Variants in MGLL observed in about 807,000 individuals in gnomAD.
MGLL encodes the protein monoglyceride lipase.
A neutral mutation model predicts 29.1 loss-of-function variants in MGLL; 7 were observed. That is an observed-to-expected ratio of 0.24 (90% CI 0.14 to 0.45). The LOEUF is 0.45. MGLL is among the 20% of genes least tolerant of loss of function. MGLL has a pLI of 0.99. For missense variants in MGLL, 356 were observed against 413.6 expected (o/e 0.86, Z 1.21); for synonymous variants, 148 against 168.3 (o/e 0.88, Z 0.93).
intron 6 of MGLL, among the ~76,000 whole-genome samples, chr3:127,704,175 A>T (rs1163124201): frequency 2.9e-4 from 44 of 152,244 alleles, no homozygotes; most frequent in Admixed American, 2.9e-3. Flanking sequence ...GGCTAGCCAT[A>T]TGCAGAAAAT....
chr3:127,769,112 G>T (rs2076907031), intron 3 of MGLL, among the ~76,000 whole-genome samples: 1 of 152,200 alleles, frequency 6.6e-6, no homozygotes, highest in Admixed American at 6.5e-5. Context: ...GGCACTTTGG[G>T]AGGCTGAGGT....
At chr3:127,766,941 T>C (rs902989656) in intron 3 of MGLL, among the ~76,000 whole-genome samples, 7 of 151,976 alleles carry the variant, frequency 4.6e-5, no homozygotes, top group African/African-American at 1.7e-4. Flanking sequence ...TGTGTTGGCA[T>C]GCCCCTGTAA....
chr3:127,741,969 A>G (rs1465133470), intron 3 of MGLL, among the ~76,000 whole-genome samples: 3 of 152,250 alleles, frequency 2.0e-5, no homozygotes, highest in Non-Finnish European at 2.9e-5. Flanking sequence ...CTTATTGTGG[A>G]GCATTGAGAG....
At chr3:127,785,799 A>G (rs2077202415) in intron 2 of MGLL, among the ~76,000 whole-genome samples, 5 of 152,234 alleles carry the variant, frequency 3.3e-5, no homozygotes, top group African/African-American at 1.2e-4. Context: ...GTCCCTGCCC[A>G]CACACAGCTT....
rs186924080 is a variant in MGLL, at chr3:127,748,698, T to A, written c.263-26132A>T. ...GAAGGAACCAGCCCTAGCAACACATTGATCTTGCATTTTCAGCCTCCAGAA... is the reference window on the plus strand; with the variant it reads ...GAAGGAACCAGCCCTAGCAACACATAGATCTTGCATTTTCAGCCTCCAGAA... On this transcript the variant is annotated intron_variant, in intron 3 of 7. Transcript: ENST00000265052. Among the ~76,000 whole-genome samples the A allele has an allele frequency of 5.9e-5, 9 of 152,072 alleles. No individual in the cohort carries two copies. The East Asian group carries it at 7.7e-4, about 13-fold the overall frequency.
At chr3:127,763,264 T>G (rs1333401313) in intron 3 of MGLL, among the ~76,000 whole-genome samples, 1 of 152,140 alleles carries the variant, frequency 6.6e-6, no homozygotes, top group East Asian at 1.9e-4. Flanking sequence ...GTACATCATC[T>G]CCAAGATGGA....
Position 127,741,442 on chromosome 3 carries a change from C to A in MGLL, c.263-18876G>T, listed in dbSNP as rs186133423. ...CCCTCTCAGGCTCTTCCCAGCCAGA[C>A]CCCATCTCCCAGGAAAGACAAAGCC... On this transcript the variant is annotated intron_variant, in intron 3 of 7. Transcript: ENST00000265052. 1.1e-4 allele frequency among the ~76,000 whole-genome samples: 16 copies of A among 152,364 alleles called. No homozygotes were observed. The East Asian group carries it at 1.3e-3, about 13-fold the overall frequency.
At position 127,693,906 on chromosome 3, in the gene MGLL, G is replaced by T. The variant is rs188929134; in HGVS notation, c.816+1069C>A. On this transcript the variant is annotated intron_variant, in intron 7 of 7. Coordinates refer to ENST00000265052, the MANE Select transcript of MGLL (RefSeq NM_007283.7). ...ACTCCTTTCGCAGGGACTTGGCAAGGGTTCACATTGGTGTAAGGGCGGTCT... is the reference window on the plus strand; with the variant it reads ...ACTCCTTTCGCAGGGACTTGGCAAGTGTTCACATTGGTGTAAGGGCGGTCT... Among the ~76,000 whole-genome samples the T allele has an allele frequency of 1.1e-3, 164 of 152,270 alleles. 1 individual carries two copies. Among genetic ancestry groups the T allele is most frequent in the Middle Eastern group, 6.8e-3 (2 of 294 alleles).
intron 2 of MGLL, among the ~76,000 whole-genome samples, chr3:127,813,657 C>A (rs1256327418): frequency 6.6e-6 from 1 of 152,188 alleles, no homozygotes; most frequent in Non-Finnish European, 1.5e-5. Context: ...GCCTGAGAAA[C>A]TCCTTTCATC....
intron 7 of MGLL, among the ~76,000 whole-genome samples, chr3:127,694,285 A>AT (rs1473719523): frequency 0.013 from 1,395 of 111,496 alleles, 7 homozygotes; most frequent in Admixed American, 0.034. Context: ...AAAAAAAAAA[A>AT]AATATATATA....
intron 3 of MGLL, among the ~76,000 whole-genome samples, chr3:127,748,935 A>G (rs917000024): frequency 5.3e-5 from 8 of 152,070 alleles, no homozygotes; most frequent in Admixed American, 2.0e-4. Context: ...ACCTCTGCCC[A>G]CCTCACAAAC....
intron 5 of MGLL, chr3:127,715,587 TGAAG>T (rs1460128419): frequency 2.3e-6 from 1 of 437,368 alleles, no homozygotes; most frequent in South Asian, 1.6e-5. Context: ...TAATCTCTCC[TGAAG>T]GAGGAAAGGG....
rs150643223 is a variant in MGLL, at chr3:127,819,277, C to T, written c.155+2417G>A. 6.8e-3 allele frequency among the ~76,000 whole-genome samples: 1,032 copies of T among 152,266 alleles called. 10 individuals carry two copies. Among genetic ancestry groups the T allele is most frequent in the African/African-American group, 0.023 (971 of 41,540 alleles). ...GGCAATATGTCTCTGTAGGTGCTCA[C>T]GGCAGGCTCCAGGAGCTGGAGGTAA... On this transcript the variant is annotated intron_variant, in intron 2 of 7. Coordinates refer to ENST00000265052, the MANE Select transcript of MGLL (RefSeq NM_007283.7).
At chr3:127,769,053 A>G (rs962452170) in intron 3 of MGLL, among the ~76,000 whole-genome samples, 2 of 152,214 alleles carry the variant, frequency 1.3e-5, no homozygotes, top group Admixed American at 1.3e-4. Flanking sequence ...ACTCTGCTAG[A>G]AAGAGTTGGA....
intron 6 of MGLL, among the ~76,000 whole-genome samples, chr3:127,695,722 C>T (rs1240141514): frequency 1.3e-5 from 2 of 151,644 alleles, no homozygotes; most frequent in African/African-American, 2.4e-5. Context: ...CTAGCCTAGG[C>T]GACAGAGCAA....
intron 2 of MGLL, among the ~76,000 whole-genome samples, chr3:127,797,705 T>TCAAG (rs1254548244): frequency 1.3e-5 from 2 of 152,160 alleles, no homozygotes; most frequent in Non-Finnish European, 2.9e-5. Flanking sequence ...ACTCCCGGGC[T>TCAAG]CAAGCGGTCC....
chr3:127,770,478 A>T (rs1296181115), intron 3 of MGLL, among the ~76,000 whole-genome samples: 1 of 152,112 alleles, frequency 6.6e-6, no homozygotes, highest in East Asian at 1.9e-4. Context: ...CCCTTGGAGG[A>T]TATAGGCTCC....
intron 2 of MGLL, among the ~76,000 whole-genome samples, chr3:127,818,876 C>T (rs1186003444): frequency 6.6e-6 from 1 of 152,070 alleles, no homozygotes; most frequent in African/African-American, 2.4e-5. Context: ...TAGTCCAGAC[C>T]CTAGAACATA....
rs1161421481 is a variant in MGLL at position 127,710,684 on chromosome 3, C to G, written c.511-19G>C. ...CAAGGACCTAGCCGGGGAGGGAAAA[C>G]AAGGGCTGTGAGCACAAGTGGCATC... On this transcript the variant is annotated intron_variant, in intron 5 of 7. Coordinates refer to ENST00000265052, the MANE Select transcript of MGLL (RefSeq NM_007283.7). The G allele has an allele frequency of 6.5e-7, 1 of 1,549,942 alleles. No individual in the cohort carries two copies. The highest frequency in any genetic ancestry group is 8.7e-7 in the Non-Finnish European group (1 of 1,143,032).
Sources: allele counts gnomAD v4.1 joint callset (sites outside exome capture counted in the v4.1 genomes callset), GRCh38; gene constraint gnomAD v4.1.1; transcripts MANE v1.5; gene names NCBI Gene and HGNC (gene_info 2026-07-23, HGNC 2026-07-21).